The following MIS18BP1 variants were observed in gnomAD, a reference collection of about 807,000 sequenced individuals.
MIS18BP1 encodes mis18-binding protein 1.
In MIS18BP1, 72 loss-of-function variants were observed where a neutral mutation model predicts 116.1. The observed-to-expected ratio is 0.62, with a 90% CI of 0.51 to 0.75. The LOEUF is 0.75. Among genes scored for constraint, MIS18BP1 ranks in the 30% least tolerant of loss-of-function variants. The probability of loss-of-function intolerance (pLI) is 0.00; values close to 1 mark genes in which losing one functional copy is unlikely to be tolerated. For missense variants in MIS18BP1, 1,363 were observed against 1,303.2 expected, an observed-to-expected ratio of 1.05 and a Z score of -0.71; for synonymous variants, 386 against 427.0, an observed-to-expected ratio of 0.90 and a Z score of 1.18.
intron 15 of MIS18BP1, among the ~76,000 whole-genome samples, chr14:45,204,794 T>C (rs1432664158): frequency 6.6e-6 from 1 of 152,070 alleles, no homozygotes; most frequent in African/African-American, 2.4e-5. Flanking sequence ...TTTGGTAAAC[T>C]TAAAATATAA....
chr14:45,227,729 T>G lies in MIS18BP1; in HGVS notation c.1680A>C (p.Leu560Phe), dbSNP rs1566812399. The G allele has an allele frequency of 6.2e-7, 1 of 1,613,818 alleles. No homozygotes were observed. Among genetic ancestry groups the G allele is most frequent in the African/African-American group, 1.3e-5 (1 of 75,050 alleles). Residue 560 changes from leucine to phenylalanine, a missense_variant, in exon 9 of 17, where the codon TTA becomes TTC. Coordinates refer to ENST00000310806, the MANE Select transcript of MIS18BP1 (RefSeq NM_018353.5). ...TATTTACTTGGTCATCTGGGAACCT[T>G]AATGTTGGTTTATTTTGGCAATTAC... Reference protein sequence around the residue: ...CHSNCQNKPTLRFPDDQVNNT... With the variant: ...CHSNCQNKPTFRFPDDQVNNT...
At chr14:45,249,541 A>C (rs1891812644) in intron 1 of MIS18BP1, among the ~76,000 whole-genome samples, 1 of 152,176 alleles carries the variant, frequency 6.6e-6, no homozygotes, top group South Asian at 2.1e-4. Flanking sequence ...ATTTCAAAGA[A>C]AGGCAATAAA....
At chr14:45,218,599 A>AT in intron 11 of MIS18BP1, 145 bp from the exon 12 acceptor site, 1 of 798,852 alleles carries the variant, frequency 1.3e-6, no homozygotes, top group Admixed American at 3.6e-5. Context: ...ATTAAGAAAG[A>AT]TATTATTCCT....
rs1890883285 is a variant in MIS18BP1 at position 45,218,431 on chromosome 14, T to C, written c.2693A>G (p.His898Arg). The change falls in exon 12 of 17, where the codon CAC becomes CGC. Residue 898 changes from histidine (H) to arginine (R), a missense_variant. Physicochemically the swap from His to Arg is conservative, Grantham distance 29. Transcript: ENST00000310806. The part of the protein sequence containing the change: ...LHCAFASLPK[H>R]KPGFWSEVAA... ...TACCTCTGACCAGAAACCAGGTTTG[T>C]GCTTTGGAAGAGATGCAAAAGCACT... 2.5e-6 allele frequency: 4 copies of C among 1,608,658 alleles called. No individual in the cohort carries two copies. The Admixed American group carries it at 5.2e-5, about 21-fold the overall frequency.
chr14:45,242,353 G>C lies in MIS18BP1; in HGVS notation c.824C>G (p.Ser275Cys). 6.2e-7 allele frequency: 1 copy of C among 1,614,032 alleles called. No homozygotes were observed. Among genetic ancestry groups the C allele is most frequent in the East Asian group, 2.2e-5 (1 of 44,876 alleles). ...KDTFVLESVD[S>C]ADEQFQNTNA... ...AGTATTTTGAAATTGTTCATCAGCA[G>C]AATCAACGCTTTCTAAAACAAACGT... Residue 275 changes from serine (S) to cysteine (C), a missense_variant, in exon 4 of 17, where the codon TCT (serine) becomes TGT (cysteine). Ser to Cys is a moderately radical substitution (Grantham distance 112, BLOSUM62 -1). Coordinates refer to ENST00000310806, the MANE Select transcript of MIS18BP1 (RefSeq NM_018353.5).
intron 14 of MIS18BP1, chr14:45,210,090 A>C (rs1890631415): frequency 4.4e-6 from 1 of 228,022 alleles, no homozygotes; most frequent in African/African-American, 2.3e-5. Context: ...ATTATAAAAT[A>C]ATTCTCCAAG....
Position 45,244,005 on chromosome 14 carries a change from C to T in MIS18BP1, c.545-1131G>A, listed in dbSNP as rs1028154275. Among the ~76,000 whole-genome samples, 4 of 152,208 alleles carry T rather than the reference C, an allele frequency of 2.6e-5. No individual in the cohort carries two copies. The South Asian group carries it at 8.3e-4, about 32-fold the overall frequency. ...ATTTGCTTCTTCCTTTTCTCCCAGG[C>T]TATATGAGAAATAGATGACTTTGTG... is the stretch of plus-strand genomic sequence containing the variant. On this transcript the variant is annotated intron_variant, in intron 2 of 16. Coordinates refer to ENST00000310806, the MANE Select transcript of MIS18BP1 (RefSeq NM_018353.5).
chr14:45,206,877 T>C lies in MIS18BP1; in HGVS notation c.3153-707A>G, dbSNP rs147491048. On this transcript the variant is annotated intron_variant, in intron 14 of 16. Coordinates refer to ENST00000310806, the MANE Select transcript of MIS18BP1 (RefSeq NM_018353.5). ...CTGTTCACTTCCTTCCCTGTCCTAA[T>C]TGAATCTCAGTTTATTCACTTTAAA... 5.3e-3 allele frequency among the ~76,000 whole-genome samples: 805 copies of C among 152,302 alleles called. 5 individuals carry two copies. Among genetic ancestry groups the C allele is most frequent in the Non-Finnish European group, 8.8e-3 (601 of 68,028 alleles).
In MIS18BP1 at chr14:45,235,903, T is replaced by G. The variant is rs751302969; in HGVS notation, c.1259A>C (p.Glu420Ala). ...CCTAAGTTTGTTGTGCTCAATCCGC[T>G]CTATAATTACATTACTGTGCCAATA... ...NIYWHSNVII[E>A]RIEHNKLRTI... The change falls in exon 6 of 17, where the codon GAG (glutamate) becomes GCG (alanine). Residue 420 changes from glutamate (E) to alanine (A), a missense_variant. By Grantham distance (107) the Glu-to-Ala change is moderately radical. Coordinates refer to ENST00000310806, the MANE Select transcript of MIS18BP1 (RefSeq NM_018353.5). The G allele has an allele frequency of 6.2e-7, 1 of 1,611,904 alleles. No homozygotes were observed. The highest frequency in any genetic ancestry group is 2.2e-5 in the East Asian group (1 of 44,728).
intron 11 of MIS18BP1, among the ~76,000 whole-genome samples, chr14:45,222,166 A>G (rs762826346): frequency 6.6e-6 from 1 of 152,172 alleles, no homozygotes; most frequent in Admixed American, 6.5e-5. Flanking sequence ...ATATAGTTAG[A>G]TCATGTTTTT....
chr14:45,217,591 TA>T (rs1176912636), intron 12 of MIS18BP1, among the ~76,000 whole-genome samples: 2 of 152,060 alleles, frequency 1.3e-5, no homozygotes, highest in East Asian at 3.9e-4. Context: ...AGGGTGAGGT[TA>T]AAAAGATCTT....
At position 45,228,325 on chromosome 14, in the gene MIS18BP1, A is replaced by T. The variant is rs1315507461; in HGVS notation, c.1595-511T>A. Among the ~76,000 whole-genome samples, 5 of 152,360 alleles carry T rather than the reference A, an allele frequency of 3.3e-5. No individual in the cohort carries two copies. In the East Asian group the frequency reaches 9.6e-4, roughly 29 times the overall value. ...CCTTCAAAAAAAATTTAAAAAGCCT[A>T]GACAGCCATATTATTCACGACCATC... On this transcript the variant is annotated intron_variant, in intron 8 of 16. Transcript: ENST00000310806.
chr14:45,224,720 T>C lies in MIS18BP1; in HGVS notation c.1867A>G (p.Ile623Val). ...TGTTCCCTTGAGGTTAGAATATCAA[T>C]GGATACATCCAATTCTTCAGTTGTC... is the stretch of plus-strand genomic sequence containing the variant. ...QETTEELDVS[I>V]DILTSREQFF... The change falls in exon 11 of 17, where the codon ATT becomes GTT. Residue 623 changes from isoleucine (I) to valine (V), a missense_variant. By Grantham distance (29) the Ile-to-Val change is conservative (BLOSUM62 3). Transcript: ENST00000310806. 1 of 1,589,718 alleles carries C rather than the reference T, an allele frequency of 6.3e-7. No homozygotes were observed. The highest frequency in any genetic ancestry group is 8.5e-7 in the Non-Finnish European group (1 of 1,172,650).
chr14:45,203,916 A>C lies in MIS18BP1; in HGVS notation c.*193T>G. ...TACAGATATCTACACGAGCAAAAAC[A>C]ATTTTCTTTACATTTTTAGTAAGCT... is the stretch of plus-strand genomic sequence containing the variant. On this transcript the variant is annotated 3_prime_UTR_variant, in exon 17 of 17. Coordinates refer to ENST00000310806, the MANE Select transcript of MIS18BP1 (RefSeq NM_018353.5). 1.5e-6 allele frequency: 1 copy of C among 663,568 alleles called. No homozygotes were observed. The highest frequency in any genetic ancestry group is 2.2e-6 in the Non-Finnish European group (1 of 463,272). 41.1% of individuals were successfully genotyped at this position (663,568 alleles called of 1,614,324 possible). A position where few individuals can be genotyped will look rare whatever the true frequency, so the allele number is the denominator to read the frequency against.
In MIS18BP1 at chr14:45,237,294, T is replaced by A. The variant is rs149112610; in HGVS notation, c.1217+354A>T. On this transcript the variant is annotated intron_variant, in intron 5 of 16. Coordinates refer to ENST00000310806, the MANE Select transcript of MIS18BP1 (RefSeq NM_018353.5). Reference sequence around the variant, plus strand: ...TGGATCAGTAATTTATATCTGGTTGTCCCAATTTAGATGTGAGAATCTGGA... The same window carrying A: ...TGGATCAGTAATTTATATCTGGTTGACCCAATTTAGATGTGAGAATCTGGA... Among the ~76,000 whole-genome samples the A allele has an allele frequency of 3.7e-4, 56 of 152,338 alleles. No homozygotes were observed. In the East Asian group the frequency reaches 0.011, roughly 29 times the overall value.
At chr14:45,233,140 T>C (rs960704951) in intron 6 of MIS18BP1, among the ~76,000 whole-genome samples, 1 of 152,144 alleles carries the variant, frequency 6.6e-6, no homozygotes, top group African/African-American at 2.4e-5. Context: ...TAAAAAAGGA[T>C]AATCAGGGAA....
chr14:45,236,580 A>G (rs1187257217), intron 5 of MIS18BP1, among the ~76,000 whole-genome samples: 1 of 152,198 alleles, frequency 6.6e-6, no homozygotes, highest in African/African-American at 2.4e-5. Context: ...CATACTGATG[A>G]TAAGCATGAC....
chr14:45,216,828 A>G (rs554333295), intron 13 of MIS18BP1, among the ~76,000 whole-genome samples, 191 bp downstream of exon 13: 2 of 152,230 alleles, frequency 1.3e-5, no homozygotes, highest in African/African-American at 2.4e-5. Flanking sequence ...CTTTGAACCA[A>G]CTGAAGTGCA....
chr14:45,204,486 T>C, intron 15 of MIS18BP1, 33 bp from the exon 16 acceptor site: 1 of 1,515,238 alleles, frequency 6.6e-7, no homozygotes, highest in Non-Finnish European at 9.0e-7. Flanking sequence ...AGCTAAATGG[T>C]ACCTCCTGGT....
Sources: allele counts gnomAD v4.1 joint callset (sites outside exome capture counted in the v4.1 genomes callset), GRCh38; gene constraint gnomAD v4.1.1; transcripts MANE v1.5; gene names NCBI Gene and HGNC (gene_info 2026-07-23, HGNC 2026-07-21).